Variants in RIT2 observed in about 807,000 individuals in gnomAD.
RIT2 encodes the protein Ras like without CAAX 2, also known as GTP-binding protein Rit2.
A neutral mutation model predicts 23.7 loss-of-function variants in RIT2; 24 were observed. The observed-to-expected ratio is 1.01, with a 90% CI of 0.73 to 1.43. The LOEUF (loss-of-function observed/expected upper bound fraction) is 1.43. Ranked by LOEUF, RIT2 falls within the 40% of genes most tolerant of loss-of-function variation. The pLI, the probability that RIT2 is intolerant of heterozygous loss-of-function variation, is 0.00. For missense variants in RIT2, 236 were observed against 266.9 expected, an observed-to-expected ratio of 0.88 and a Z score of 0.81; for synonymous variants, 107 against 91.1, an observed-to-expected ratio of 1.17 and a Z score of -0.99.
intron 1 of RIT2, among the ~76,000 whole-genome samples, chr18:43,043,232 G>A (rs949569152): frequency 1.3e-5 from 2 of 151,938 alleles, no homozygotes; most frequent in Non-Finnish European, 2.9e-5. Flanking sequence ...ATTGTTTTGA[G>A]AGCCATGCAG....
At chr18:42,952,167 A>G (rs1360090233) in intron 3 of RIT2, among the ~76,000 whole-genome samples, 2 of 152,156 alleles carry the variant, frequency 1.3e-5, no homozygotes, top group Admixed American at 6.6e-5. Context: ...GGACATGGCC[A>G]AACCATATCA....
intron 4 of RIT2, among the ~76,000 whole-genome samples, chr18:42,790,775 T>C (rs997210590): frequency 1.3e-5 from 2 of 152,238 alleles, no homozygotes; most frequent in Admixed American, 6.5e-5. Flanking sequence ...TTCTTTTTAT[T>C]TTGATAACAT....
At chr18:42,953,910 T>C (rs1568038757) in intron 3 of RIT2, among the ~76,000 whole-genome samples, 2 of 152,162 alleles carry the variant, frequency 1.3e-5, no homozygotes, top group Non-Finnish European at 1.5e-5. Flanking sequence ...AGGCTTTTCT[T>C]ATCTTCTAGA....
chr18:42,820,300 T>A (rs942633615), intron 4 of RIT2, among the ~76,000 whole-genome samples: 1 of 151,996 alleles, frequency 6.6e-6, no homozygotes, highest in Admixed American at 6.6e-5. Context: ...GATATACAGA[T>A]GAACATCATC....
At chr18:42,931,035 C>T (rs931867396) in intron 3 of RIT2, among the ~76,000 whole-genome samples, 5 of 152,054 alleles carry the variant, frequency 3.3e-5, no homozygotes, top group African/African-American at 1.2e-4. Flanking sequence ...GATTTTGGCA[C>T]TTATGCCTCT....
At chr18:42,823,778 T>A (rs1179141872) in intron 4 of RIT2, among the ~76,000 whole-genome samples, 1 of 152,164 alleles carries the variant, frequency 6.6e-6, no homozygotes, top group African/African-American at 2.4e-5. Context: ...GAGATAGATA[T>A]ACATATTTAA....
At chr18:42,765,347 G>A (rs476407) in intron 4 of RIT2, among the ~76,000 whole-genome samples, 98,585 of 152,086 alleles carry the variant, frequency 0.65, 35,907 homozygotes, top group Middle Eastern at 0.83. Flanking sequence ...TATCTTCTCT[G>A]AGACTTGTTG....
intron 1 of RIT2, among the ~76,000 whole-genome samples, chr18:43,060,847 A>G (rs1912626083): frequency 6.6e-6 from 1 of 152,082 alleles, no homozygotes; most frequent in Non-Finnish European, 1.5e-5. Flanking sequence ...AAAATCAGGT[A>G]TTTTAGATCA....
chr18:42,994,309 C>T (rs1003341450), intron 2 of RIT2, among the ~76,000 whole-genome samples: 5 of 152,112 alleles, frequency 3.3e-5, no homozygotes, highest in South Asian at 2.1e-4. Context: ...TTACCTAGCT[C>T]GGCATAATTC....
At chr18:42,787,312 T>C (rs1487605314) in intron 4 of RIT2, among the ~76,000 whole-genome samples, 1 of 152,016 alleles carries the variant, frequency 6.6e-6, no homozygotes, top group Non-Finnish European at 1.5e-5. Context: ...CATGAACTCA[T>C]ACTTTTTTAT....
At chr18:43,073,778 C>T (rs990904978) in intron 1 of RIT2, among the ~76,000 whole-genome samples, 1 of 152,086 alleles carries the variant, frequency 6.6e-6, no homozygotes, top group African/African-American at 2.4e-5. Context: ...TTCCACTAAC[C>T]ATAAAACATA....
intron 4 of RIT2, among the ~76,000 whole-genome samples, chr18:42,857,689 T>A (rs908692361): frequency 6.6e-6 from 1 of 152,166 alleles, no homozygotes. Flanking sequence ...GAAGTGGCTA[T>A]GCCCTGGATG....
chr18:42,926,377 A>G (rs1225084069), intron 3 of RIT2, among the ~76,000 whole-genome samples: 1 of 151,868 alleles, frequency 6.6e-6, no homozygotes, highest in Non-Finnish European at 1.5e-5. Flanking sequence ...CTACATATAG[A>G]TTTTATTTTG....
intron 3 of RIT2, among the ~76,000 whole-genome samples, chr18:42,944,326 G>A (rs1909673919): frequency 1.3e-5 from 2 of 152,086 alleles, no homozygotes; most frequent in South Asian, 4.1e-4. Context: ...CCATCTAGCA[G>A]ACCATCAAGA....
intron 3 of RIT2, among the ~76,000 whole-genome samples, chr18:42,950,687 T>C (rs1598727350): frequency 2.0e-5 from 3 of 151,278 alleles, no homozygotes; most frequent in Admixed American, 6.6e-5. Flanking sequence ...AAAACTTAAA[T>C]AACTCAAACA....
chr18:43,086,152 T>G (rs1913277811), intron 1 of RIT2, among the ~76,000 whole-genome samples: 1 of 152,156 alleles, frequency 6.6e-6, no homozygotes. Flanking sequence ...GGCTCAACAT[T>G]CCTAACCCCA....
chr18:42,767,868 C>T (rs1406759806), intron 4 of RIT2, among the ~76,000 whole-genome samples: 1 of 152,072 alleles, frequency 6.6e-6, no homozygotes, highest in African/African-American at 2.4e-5. Context: ...TTTGCTTCTC[C>T]CACATTTTCT....
At chr18:43,101,957 C>T (rs566079739) in intron 1 of RIT2, among the ~76,000 whole-genome samples, 89 of 152,164 alleles carry the variant, frequency 5.8e-4, no homozygotes, top group Admixed American at 3.3e-3. Flanking sequence ...ACTTTTAATC[C>T]TAGATAGTAA....
chr18:43,018,717 T>C (rs189291128), intron 2 of RIT2, among the ~76,000 whole-genome samples: 138 of 152,056 alleles, frequency 9.1e-4, no homozygotes, highest in Admixed American at 2.2e-3. Context: ...TTATTCCTCA[T>C]AAATGAAGGA....
Sources: gnomAD v4.1 joint callset for allele counts (sites outside exome capture counted in the v4.1 genomes callset) on GRCh38, gnomAD v4.1.1 for gene constraint, MANE v1.5 for transcripts, NCBI Gene and HGNC (gene_info 2026-07-23, HGNC 2026-07-21) for gene names.